POLR2K: variants seen among roughly 807,000 people sequenced by gnomAD.
POLR2K encodes DNA-directed RNA polymerases I, II, and III subunit RPABC4.
In POLR2K, 9 loss-of-function variants were observed where a neutral mutation model predicts 10.1. The observed-to-expected ratio is 0.89, with a 90% CI of 0.54 to 1.56. The LOEUF is 1.56. Among genes scored for constraint, POLR2K ranks in the 40% most tolerant of loss-of-function variants. The probability of loss-of-function intolerance (pLI) is 0.00; values close to 1 mark genes in which losing one functional copy is unlikely to be tolerated. For missense variants in POLR2K, 53 were observed against 71.9 expected (o/e 0.74, Z 0.95); for synonymous variants, 19 against 20.3 (o/e 0.94, Z 0.17).
intron 3 of POLR2K, among the ~76,000 whole-genome samples, chr8:100,152,923 A>G (rs1814939749): frequency 6.6e-6 from 1 of 151,932 alleles, no homozygotes. Flanking sequence ...ACCCGCCACC[A>G]TGCCCGGCTA....
chr8:100,151,610 C>G (rs1293288038), intron 2 of POLR2K, 194 bp downstream of exon 2: 2 of 599,754 alleles, frequency 3.3e-6, no homozygotes, highest in East Asian at 2.8e-5. Flanking sequence ...CAGAAAAAAA[C>G]AAAGCTCGTT....
In POLR2K at chr8:100,151,928, A is replaced by T; in HGVS notation, c.154+12A>T. ...AAGGACTAAAAGATGTATCCTTTTA[A>T]CGATGCTTTCTAAATATGAGTTAGG... On this transcript the variant is annotated intron_variant, in intron 3 of 3. Transcript: ENST00000353107. 8.7e-7 allele frequency: 1 copy of T among 1,153,272 alleles called. No individual in the cohort carries two copies. The highest frequency in any genetic ancestry group is 1.3e-6 in the Non-Finnish European group (1 of 761,954). 71.4% of individuals were successfully genotyped at this position (1,153,272 alleles called of 1,614,324 possible).
chr8:100,151,786 C>T (rs762832504), intron 2 of POLR2K, 38 bp from the exon 3 acceptor site: 39 of 915,426 alleles, frequency 4.3e-5, no homozygotes, highest in Non-Finnish European at 6.1e-5. Flanking sequence ...TAATATTTTC[C>T]TCTTAGGCAT....
intron 1 of POLR2K, among the ~76,000 whole-genome samples, chr8:100,151,039 A>G (rs1053063451): frequency 6.6e-6 from 1 of 152,178 alleles, no homozygotes; most frequent in African/African-American, 2.4e-5. Flanking sequence ...TTAGTAGCTG[A>G]GTGATCCTGC....
At position 100,153,315 on chromosome 8, in the gene POLR2K, G is replaced by C; in HGVS notation, c.176G>C (p.Ter59SerextTer46). Residue 59 changes from the stop codon to serine (S), a stop_lost, in exon 4 of 4, where the codon TGA (stop) becomes TCA (serine). Coordinates refer to ENST00000353107, the MANE Select transcript of POLR2K (RefSeq NM_005034.4). ...TKRLVVFDAR* is the reference protein window; with the variant it reads ...TKRLVVFDARS ...ACAGTGGTCGTTTTTGATGCTCGAT[G>C]AATGCTGGGAATTCAGAGGAATGTC... 1 of 1,608,332 alleles carries C rather than the reference G, an allele frequency of 6.2e-7. No homozygotes were observed. The highest frequency in any genetic ancestry group is 8.5e-7 in the Non-Finnish European group (1 of 1,175,978).
In POLR2K at chr8:100,151,366, A is replaced by G. The variant is rs1814915338; in HGVS notation, c.11A>G (p.Gln4Arg). The change falls in exon 2 of 4, where the codon CAG (glutamine) becomes CGG (arginine). Residue 4 changes from glutamine to arginine, a missense_variant. By Grantham distance (43) the Gln-to-Arg change is conservative (BLOSUM62 1). Transcript: ENST00000353107. MDT[Q>R]KDVQPPKQQP... The stretch of plus-strand genomic sequence containing the variant: ...TTTCAGGGGCTAACAATGGACACCC[A>G]GAAGGACGTTCAACCTCCAAAGCAG... The G allele has an allele frequency of 1.2e-6, 2 of 1,610,096 alleles. No homozygotes were observed. The highest frequency in any genetic ancestry group is 2.7e-5 in the African/African-American group (2 of 74,866).
chr8:100,151,844 AT>A lies in POLR2K; in HGVS notation c.83del (p.Ile28LysfsTer16), dbSNP rs773546779. On this transcript the variant is annotated frameshift_variant, in exon 3 of 4. Transcript: ENST00000353107. LOFTEE classifies it high-confidence loss of function. ...TCTAGAGTGTCACACAGAAAATGAA[AT>A]AAAATCTAGGGATCCAATCAGATGC... ...ICGECHTENE[I>X]KSRDPIRCRE... 26 of 1,552,596 alleles carry A rather than the reference AT, an allele frequency of 1.7e-5. No individual in the cohort carries two copies. The highest frequency in any genetic ancestry group is 2.0e-5 in the Non-Finnish European group (23 of 1,134,696).
chr8:100,151,481 A>G (rs1452894057), intron 2 of POLR2K, 65 bp downstream of exon 2: 8 of 1,053,506 alleles, frequency 7.6e-6, no homozygotes, highest in African/African-American at 1.6e-5. Context: ...TGTTACATTT[A>G]TTCTTTGCTT....
At position 100,153,372 on chromosome 8, in the gene POLR2K, T is replaced by C; in HGVS notation, c.*56T>C. On this transcript the variant is annotated 3_prime_UTR_variant, in exon 4 of 4. Coordinates refer to ENST00000353107, the MANE Select transcript of POLR2K (RefSeq NM_005034.4). Reference sequence around the variant, plus strand: ...TATACTTGGATTTGCTCTCTTCCCATTTCTGATTGTTGTATAGCTTTCGAT... The same window carrying C: ...TATACTTGGATTTGCTCTCTTCCCACTTCTGATTGTTGTATAGCTTTCGAT... 6.7e-7 allele frequency: 1 copy of C among 1,491,350 alleles called. No individual in the cohort carries two copies. The highest frequency in any genetic ancestry group is 1.4e-5 in the African/African-American group (1 of 72,446). The allele number at this position is 1,491,350 out of a possible 1,614,324, so 92.4% of individuals were successfully genotyped here. A position where few individuals can be genotyped will look rare whatever the true frequency, so the allele number is the denominator to read the frequency against.
Position 100,153,409 on chromosome 8 carries a change from T to A in POLR2K, c.*93T>A. ...GTATAGCTTTCGATTTTGCTTACAG[T>A]AGTTCCCCCTTATCTTCGGGAGATA... On this transcript the variant is annotated 3_prime_UTR_variant, in exon 4 of 4. Coordinates refer to ENST00000353107, the MANE Select transcript of POLR2K (RefSeq NM_005034.4). 2 of 1,090,830 alleles carry A rather than the reference T, an allele frequency of 1.8e-6. No individual in the cohort carries two copies. The highest frequency in any genetic ancestry group is 2.8e-6 in the Non-Finnish European group (2 of 715,198). The allele number at this position is 1,090,830 out of a possible 1,614,324, so 67.6% of individuals were successfully genotyped here.
At chr8:100,150,899 C>T (rs2453640) in intron 1 of POLR2K, among the ~76,000 whole-genome samples, 190 bp downstream of exon 1, 1 of 151,944 alleles carries the variant, frequency 6.6e-6, no homozygotes, top group Non-Finnish European at 1.5e-5. Context: ...ATTGTTCTTC[C>T]CTCGGTGAGC....
intron 2 of POLR2K, 79 bp from the exon 3 acceptor site, chr8:100,151,745 G>A (rs1814922246): frequency 1.4e-6 from 1 of 696,928 alleles, no homozygotes; most frequent in African/African-American, 1.8e-5. Context: ...GATTGCCTTA[G>A]GTAAATAATA....
chr8:100,153,271 G>T (rs371148430), intron 3 of POLR2K, 23 bp from the exon 4 acceptor site: 11 of 1,592,958 alleles, frequency 6.9e-6, no homozygotes, highest in Non-Finnish European at 9.5e-6. Context: ...TACCGTTTTT[G>T]TCCTTAACTC....
At chr8:100,152,538 G>A (rs1814933406) in intron 3 of POLR2K, among the ~76,000 whole-genome samples, 2 of 152,138 alleles carry the variant, frequency 1.3e-5, no homozygotes, top group Admixed American at 1.3e-4. Flanking sequence ...AATGGAAAAA[G>A]TTGGGCATAC....
rs779178292 is a variant in POLR2K at position 100,151,414 on chromosome 8, G to A, written c.59G>A (p.Gly20Glu). 2 of 1,583,816 alleles carry A rather than the reference G, an allele frequency of 1.3e-6. No individual in the cohort carries two copies. Among genetic ancestry groups the A allele is most frequent in the East Asian group, 4.5e-5 (2 of 44,710 alleles). The change falls in exon 2 of 4, where the codon GGA (glycine) becomes GAA (glutamate). Residue 20 changes from glycine to glutamate, a missense_variant and splice_region_variant. Gly to Glu is a moderately conservative substitution (Grantham distance 98). Coordinates refer to ENST00000353107, the MANE Select transcript of POLR2K (RefSeq NM_005034.4). ...PKQQPMIYIC[G>E]ECHTENEIKS... ...CAGCAACCAATGATATATATCTGTG[G>A]AGGTAAGAGTAGCACTTACCTAAAG...
intron 2 of POLR2K, 87 bp downstream of exon 2, chr8:100,151,503 T>G (rs1814918134): frequency 2.2e-6 from 2 of 899,660 alleles, no homozygotes; most frequent in East Asian, 5.0e-5. Context: ...AATGAGTTAC[T>G]GGTCTTCAGA....
At chr8:100,153,229 C>T (rs1472997495) in intron 3 of POLR2K, 65 bp from the exon 4 acceptor site, 1 of 1,200,956 alleles carries the variant, frequency 8.3e-7, no homozygotes, top group Non-Finnish European at 1.2e-6. Flanking sequence ...GAGAAAGTGA[C>T]TTTGAAACCT....
intron 2 of POLR2K, 23 bp from the exon 3 acceptor site, chr8:100,151,801 T>A: frequency 4.3e-6 from 5 of 1,174,484 alleles, no homozygotes; most frequent in Non-Finnish European, 5.0e-6. Flanking sequence ...AGGCATTGAG[T>A]AAATTTTTTT....
At chr8:100,151,552 C>A in intron 2 of POLR2K, 136 bp downstream of exon 2, 2 of 672,882 alleles carry the variant, frequency 3.0e-6, no homozygotes, top group Non-Finnish European at 5.2e-6. Context: ...TAAAAAAAAT[C>A]GTTGAGGTCA....
Sources: allele counts gnomAD v4.1 joint callset (sites outside exome capture counted in the v4.1 genomes callset), GRCh38; gene constraint gnomAD v4.1.1; transcripts MANE v1.5; gene names NCBI Gene and HGNC (gene_info 2026-07-23, HGNC 2026-07-21).